Variants in RWDD2B observed in about 807,000 individuals in gnomAD.
RWDD2B encodes RWD domain-containing protein 2B.
A neutral mutation model predicts 33.6 loss-of-function variants in RWDD2B; 36 were observed. That is an observed-to-expected ratio of 1.07 (90% CI 0.82 to 1.42). The LOEUF is 1.42. RWDD2B is among the 40% of genes most tolerant of loss of function. The probability of loss-of-function intolerance (pLI) is 0.00; values close to 1 mark genes in which losing one functional copy is unlikely to be tolerated. For missense variants in RWDD2B, 364 were observed against 377.5 expected, an observed-to-expected ratio of 0.96 and a Z score of 0.30; for synonymous variants, 126 against 133.1, an observed-to-expected ratio of 0.95 and a Z score of 0.37.
Position 29,006,562 on chromosome 21 carries a change from CTT to C in RWDD2B, c.813_814del (p.Arg272GlufsTer6), listed in dbSNP as rs772081990. ...TTTTTCTTCAAAAATGGAAAATTTC[CTT>C]TGTCTTTCCGTTTCATCATTTGTAC... On this transcript the variant is annotated frameshift_variant, in exon 5 of 5. Transcript: ENST00000493196. LOFTEE classifies it high-confidence loss of function. 2.1e-5 allele frequency: 34 copies of C among 1,613,782 alleles called. No individual in the cohort carries two copies. Among genetic ancestry groups the C allele is most frequent in the Non-Finnish European group, 2.8e-5 (33 of 1,179,850 alleles).
chr21:29,010,839 C>T (rs865842599), intron 1 of RWDD2B, among the ~76,000 whole-genome samples: 1,900 of 151,994 alleles, frequency 0.013, 56 homozygotes, highest in African/African-American at 0.043. Context: ...GACTGGTTTT[C>T]GTATTTTTTT....
chr21:29,008,924 G>A (rs180813601), intron 1 of RWDD2B, among the ~76,000 whole-genome samples: 15 of 152,206 alleles, frequency 9.9e-5, no homozygotes, highest in African/African-American at 3.6e-4. Context: ...ACCATAATGG[G>A]CAATTTCATC....
chr21:29,007,129 C>T (rs1413874008), intron 4 of RWDD2B, among the ~76,000 whole-genome samples: 1 of 152,192 alleles, frequency 6.6e-6, no homozygotes, highest in East Asian at 1.9e-4. Flanking sequence ...TCTAATGCTT[C>T]TAGAAAGCTC....
At chr21:29,011,962 G>C (rs1206524391) in intron 1 of RWDD2B, among the ~76,000 whole-genome samples, 1 of 121,364 alleles carries the variant, frequency 8.2e-6, no homozygotes, top group South Asian at 2.7e-4. Flanking sequence ...CCCCCGACCC[G>C]GCCAGCCGCG....
chr21:29,006,452 C>A lies in RWDD2B; in HGVS notation c.925G>T (p.Val309Phe), dbSNP rs746688751. The A allele has an allele frequency of 3.1e-6, 5 of 1,613,074 alleles. No homozygotes were observed. In the South Asian group the frequency reaches 5.5e-5, roughly 18 times the overall value. Reference sequence around the variant, plus strand: ...TCTACACCAAAGAACATCTGGAAAACATCCCCACATCCTTTGGTGTTTAAG... The same window carrying A: ...TCTACACCAAAGAACATCTGGAAAAAATCCCCACATCCTTTGGTGTTTAAG... ...QFLNTKGCGD[V>F]FQMFFGVEGQ Residue 309 changes from valine to phenylalanine, a missense_variant, in exon 5 of 5, where the codon GTT becomes TTT. Transcript: ENST00000493196.
chr21:29,010,729 AC>A (rs1414820247), intron 1 of RWDD2B, among the ~76,000 whole-genome samples: 2 of 150,530 alleles, frequency 1.3e-5, no homozygotes, highest in Non-Finnish European at 3.0e-5. Flanking sequence ...CCGAAGCTGG[AC>A]GGTACTGCTG....
In RWDD2B at chr21:29,005,070, T is replaced by C. The variant is rs1261275919; in HGVS notation, c.*1347A>G. 1 of 152,260 alleles carries C rather than the reference T, an allele frequency of 6.6e-6. No homozygotes were observed. The highest frequency in any genetic ancestry group is 1.5e-5 in the Non-Finnish European group (1 of 68,046). The allele number at this position is 152,260 out of a possible 1,614,324, so 9.4% of individuals were successfully genotyped here. A position where few individuals can be genotyped will look rare whatever the true frequency, so the allele number is the denominator to read the frequency against. On this transcript the variant is annotated 3_prime_UTR_variant, in exon 5 of 5. Coordinates refer to ENST00000493196, the MANE Select transcript of RWDD2B (RefSeq NM_016940.3). ...AATAATAAATGCTTTTGGAACTAAC[T>C]GGTTTATGGAGGTCCTCAAAAACTG... is the stretch of plus-strand genomic sequence containing the variant.
At chr21:29,009,756 G>C (rs1016295295) in intron 1 of RWDD2B, 1 of 152,096 alleles carries the variant, frequency 6.6e-6, no homozygotes, top group African/African-American at 2.4e-5. Flanking sequence ...TTGTCCTGTA[G>C]CTTAAGTCAC....
chr21:29,005,128 G>C lies in RWDD2B; in HGVS notation c.*1289C>G, dbSNP rs1311901173. 1 of 152,124 alleles carries C rather than the reference G, an allele frequency of 6.6e-6. No homozygotes were observed. The allele number at this position is 152,124 out of a possible 1,614,324, so 9.4% of individuals were successfully genotyped here. A position where few individuals can be genotyped will look rare whatever the true frequency, so the allele number is the denominator to read the frequency against. ...TGTTTATTTAATGCTAGGTCAATTT[G>C]GCAAAAATAAATGTACAGAAAGCCA... On this transcript the variant is annotated 3_prime_UTR_variant, in exon 5 of 5. Transcript: ENST00000493196.
intron 1 of RWDD2B, among the ~76,000 whole-genome samples, chr21:29,017,626 G>T (rs1039830519): frequency 3.3e-5 from 5 of 151,978 alleles, no homozygotes; most frequent in African/African-American, 9.6e-5. Context: ...AAACAAAAAA[G>T]AATTTTTGTA....
rs61735769 is a variant in RWDD2B, at chr21:29,008,479, A to G, written c.210T>C (p.Cys70=). ...GCCCCTCCATTGTCTTCTTTTCAAT[A>G]CAATCTTTCAGTTCTGCTACAGCCA... ...DQLAVAELKD[C]IEKKTMEGRS... The change falls in exon 2 of 5, where the codon TGT becomes TGC. Residue 70 remains cysteine, a synonymous_variant. Transcript: ENST00000493196. 6.0e-4 allele frequency: 964 copies of G among 1,614,198 alleles called. 6 individuals are homozygous for G. The African/African-American group carries it at 8.0e-3, about 13-fold the overall frequency.
At chr21:29,016,180 T>C (rs558138864) in intron 1 of RWDD2B, among the ~76,000 whole-genome samples, 1 of 152,342 alleles carries the variant, frequency 6.6e-6, no homozygotes, top group East Asian at 1.9e-4. Flanking sequence ...AATTTGAAGT[T>C]TTCCTCTTCT....
rs1472470522 is a variant in RWDD2B, at chr21:29,007,887, T to G, written c.599A>C (p.Lys200Thr). Residue 200 changes from lysine to threonine, a missense_variant, in exon 4 of 5, where the codon AAA (lysine) becomes ACA (threonine). Physicochemically the swap from Lys to Thr is moderately conservative, Grantham distance 78 (BLOSUM62 -1). Coordinates refer to ENST00000493196, the MANE Select transcript of RWDD2B (RefSeq NM_016940.3). ...CTCTAGAATATTCTTTCTTTTGCATTTGTTATAGATATGATGGCTGTAGAT... is the reference window on the plus strand; with the variant it reads ...CTCTAGAATATTCTTTCTTTTGCATGTGTTATAGATATGATGGCTGTAGAT... ...LWIYSHHIYN[K>T]CKRKNILEWA... The G allele has an allele frequency of 9.9e-6, 16 of 1,614,246 alleles. No individual in the cohort carries two copies. The highest frequency in any genetic ancestry group is 1.3e-5 in the Non-Finnish European group (15 of 1,180,040).
chr21:29,012,190 A>G (rs1441147332), intron 1 of RWDD2B, among the ~76,000 whole-genome samples: 27 of 129,394 alleles, frequency 2.1e-4, no homozygotes, highest in South Asian at 2.6e-4. Context: ...CCCCCCCGGG[A>G]GGTGAGGGGC....
At chr21:29,012,442 G>A (rs2084869005) in intron 1 of RWDD2B, among the ~76,000 whole-genome samples, 2 of 152,130 alleles carry the variant, frequency 1.3e-5, no homozygotes, top group Non-Finnish European at 2.9e-5. Context: ...AAATTCTTCT[G>A]CCTTGGGATC....
At chr21:29,012,638 A>G (rs1186123922) in intron 1 of RWDD2B, among the ~76,000 whole-genome samples, 5 of 151,820 alleles carry the variant, frequency 3.3e-5, no homozygotes, top group Non-Finnish European at 5.9e-5. Context: ...AACACTGCGG[A>G]AGGCCGCAGG....
At position 29,014,787 on chromosome 21, in the gene RWDD2B, C is replaced by T. The variant is rs140272462; in HGVS notation, c.67+4424G>A. Among the ~76,000 whole-genome samples, 211 of 152,252 alleles carry T rather than the reference C, an allele frequency of 1.4e-3. 3 individuals carry two copies. In the East Asian group the frequency reaches 0.036, roughly 26 times the overall value. On this transcript the variant is annotated intron_variant, in intron 1 of 4. Coordinates refer to ENST00000493196, the MANE Select transcript of RWDD2B (RefSeq NM_016940.3). ...AGTGAGCCGAGATACAGCCACTGCACTCCAGCCTGGGCGGCAGAGCGAGAC... is the reference window on the plus strand; with the variant it reads ...AGTGAGCCGAGATACAGCCACTGCATTCCAGCCTGGGCGGCAGAGCGAGAC...
Position 29,006,522 on chromosome 21 carries a change from A to G in RWDD2B, c.855T>C (p.Asn285=), listed in dbSNP as rs1312486410. ...SIFEEKVFSV[N]GARGNHMDFG... is the part of the protein sequence containing the mutation. ...AGTCCATGTGGTTTCCCCTGGCTCC[A>G]TTAACACTGAACACTTTTTCTTCAA... The change falls in exon 5 of 5, where the codon AAT becomes AAC. Residue 285 remains asparagine (N), a synonymous_variant. Transcript: ENST00000493196. The G allele has an allele frequency of 6.2e-7, 1 of 1,614,022 alleles. No individual in the cohort carries two copies. Among genetic ancestry groups the G allele is most frequent in the Non-Finnish European group, 8.5e-7 (1 of 1,179,884 alleles).
At chr21:29,012,248 G>A (rs1250366107) in intron 1 of RWDD2B, among the ~76,000 whole-genome samples, 2 of 151,656 alleles carry the variant, frequency 1.3e-5, no homozygotes, top group African/African-American at 2.4e-5. Context: ...CCCTCTGCCC[G>A]GCCACCACCC....
Sources: allele counts gnomAD v4.1 joint callset (sites outside exome capture counted in the v4.1 genomes callset), GRCh38; gene constraint gnomAD v4.1.1; transcripts MANE v1.5; gene names NCBI Gene and HGNC (gene_info 2026-07-23, HGNC 2026-07-21).